PLSCR5: variants seen among roughly 807,000 people sequenced by gnomAD.
PLSCR5 encodes phospholipid scramblase family member 5.
A neutral mutation model predicts 33.6 loss-of-function variants in PLSCR5; 44 were observed. The observed-to-expected ratio is 1.31, with a 90% CI of 1.03 to 1.69. The LOEUF (loss-of-function observed/expected upper bound fraction) is 1.69. Ranked by LOEUF, PLSCR5 falls within the 40% of genes most tolerant of loss-of-function variation. PLSCR5 has a pLI of 0.00. For synonymous variants in PLSCR5, 148 were observed against 112.3 expected (o/e 1.32, Z -2.01); for missense variants, 375 against 318.7 (o/e 1.18, Z -1.34).
chr3:146,577,133 C>A (rs765802521), intron 7 of PLSCR5, among the ~76,000 whole-genome samples: 5 of 151,990 alleles, frequency 3.3e-5, no homozygotes, highest in Non-Finnish European at 7.4e-5. Flanking sequence ...AGTCAACATA[C>A]GATAAGTTGA....
chr3:146,581,981 C>T (rs530766370), downstream of PLSCR5, among the ~76,000 whole-genome samples: 9 of 152,086 alleles, frequency 5.9e-5, no homozygotes, highest in African/African-American at 2.2e-4. Context: ...GAAAAGATAC[C>T]CACTTTCCTT....
chr3:146,598,944 A>G (rs777796541), intron 2 of PLSCR5, among the ~76,000 whole-genome samples: 10 of 152,228 alleles, frequency 6.6e-5, no homozygotes, highest in Middle Eastern at 3.2e-3. Context: ...AAACCCTATC[A>G]GGCATAACAG....
chr3:146,594,882 A>G (rs1446699890), intron 3 of PLSCR5, among the ~76,000 whole-genome samples, 159 bp downstream of exon 3: 1 of 152,176 alleles, frequency 6.6e-6, no homozygotes, highest in African/African-American at 2.4e-5. Context: ...TTTTACTTTC[A>G]GCTTTTAATT....
chr3:146,578,472 C>T (rs1460278605), intron 7 of PLSCR5, among the ~76,000 whole-genome samples: 1 of 140,650 alleles, frequency 7.1e-6, no homozygotes, highest in African/African-American at 2.6e-5. Context: ...TTTTTGGCTT[C>T]CCATTTTATT....
intron 1 of PLSCR5, among the ~76,000 whole-genome samples, chr3:146,603,713 ACT>A (rs1167985324): frequency 6.6e-6 from 1 of 152,110 alleles, no homozygotes; most frequent in Non-Finnish European, 1.5e-5. Flanking sequence ...TATTTTATAC[ACT>A]CTGCAACTTT....
Position 146,594,096 on chromosome 3 carries a change from T to G in PLSCR5, c.277A>C (p.Ser93Arg). Reference protein sequence around the residue: ...ETSNKYEIKNSLGQRIYFAVE... With the variant: ...ETSNKYEIKNRLGQRIYFAVE... ...GCAAAGTAAATTCTTTGTCCCAAGC[T>G]GTTTTTAATCTCATATTTGTTGGAG... Residue 93 changes from serine (S) to arginine (R), a missense_variant, in exon 4 of 8, where the codon AGC becomes CGC. Coordinates refer to ENST00000443512, the MANE Select transcript of PLSCR5 (RefSeq NM_001085420.2). 3.7e-6 allele frequency: 6 copies of G among 1,613,814 alleles called. No individual in the cohort carries two copies. Among genetic ancestry groups the G allele is most frequent in the Non-Finnish European group, 5.1e-6 (6 of 1,179,786 alleles).
At chr3:146,596,771 A>T (rs2044765031) in intron 2 of PLSCR5, among the ~76,000 whole-genome samples, 1 of 152,198 alleles carries the variant, frequency 6.6e-6, no homozygotes, top group Non-Finnish European at 1.5e-5. Flanking sequence ...CCTAAGGTGA[A>T]GGTAAAACTA....
intron 2 of PLSCR5, among the ~76,000 whole-genome samples, chr3:146,599,643 A>G (rs960399016): frequency 1.3e-5 from 2 of 151,042 alleles, no homozygotes; most frequent in African/African-American, 4.9e-5. Context: ...AAATAGCTGT[A>G]GATGACTAGA....
chr3:146,582,576 G>A (rs78390771), downstream of PLSCR5, among the ~76,000 whole-genome samples: 5,325 of 152,176 alleles, frequency 0.035, 116 homozygotes, highest in Non-Finnish European at 0.049. Context: ...TTATTAAACT[G>A]CTGCTCTAAC....
At chr3:146,587,114 G>A (rs2107848690) in intron 6 of PLSCR5, among the ~76,000 whole-genome samples, 1 of 152,222 alleles carries the variant, frequency 6.6e-6, no homozygotes, top group South Asian at 2.1e-4. Context: ...AGTGCATAGA[G>A]GAAGCACCTG....
chr3:146,589,503 T>C, intron 6 of PLSCR5, 150 bp downstream of exon 6: 3 of 733,300 alleles, frequency 4.1e-6, no homozygotes, highest in Non-Finnish European at 3.8e-6. Flanking sequence ...TAAATTCTAA[T>C]TTTTGAAGAA....
At position 146,595,055 on chromosome 3, in the gene PLSCR5, A is replaced by T. The variant is rs918156675; in HGVS notation, c.218T>A (p.Val73Glu). ...QLDLIIIHQQ[V>E]ELLGMILGTE... ...AATGCACTTACTTCCAAGCAGCTCC[A>T]CCTGCTGGTGTATAATTATCAGGTC... The change falls in exon 3 of 8, where the codon GTG (valine) becomes GAG (glutamate). Residue 73 changes from valine (V) to glutamate (E), a missense_variant. Val to Glu is a moderately radical substitution (Grantham distance 121). Transcript: ENST00000443512. 6.3e-6 allele frequency: 9 copies of T among 1,435,164 alleles called. No homozygotes were observed. In the Admixed American group the frequency reaches 2.1e-4, roughly 33 times the overall value. 88.9% of individuals were successfully genotyped at this position (1,435,164 alleles called of 1,614,324 possible).
At chr3:146,599,177 A>G in intron 2 of PLSCR5, among the ~76,000 whole-genome samples, 1 of 152,200 alleles carries the variant, frequency 6.6e-6, no homozygotes, top group East Asian at 1.9e-4. Context: ...ATGCCATAAA[A>G]TTCAGATAGT....
downstream of PLSCR5, among the ~76,000 whole-genome samples, chr3:146,585,627 T>C (rs1240160683): frequency 1.3e-5 from 2 of 150,178 alleles, no homozygotes; most frequent in East Asian, 3.9e-4. Flanking sequence ...TTTTGATTAG[T>C]AACTAGCCTT....
intron 6 of PLSCR5, among the ~76,000 whole-genome samples, chr3:146,589,303 A>T (rs2044689932): frequency 6.6e-6 from 1 of 152,184 alleles, no homozygotes; most frequent in African/African-American, 2.4e-5. Flanking sequence ...TCCAGGATAA[A>T]TCATGTGATA....
intron 3 of PLSCR5, among the ~76,000 whole-genome samples, chr3:146,594,628 C>T (rs534443396): frequency 6.6e-6 from 1 of 152,088 alleles, no homozygotes; most frequent in Admixed American, 6.5e-5. Context: ...TAATTTGAAT[C>T]CAGTTAGTCA....
chr3:146,581,055 A>G (rs1181159375), downstream of PLSCR5, among the ~76,000 whole-genome samples: 1 of 152,194 alleles, frequency 6.6e-6, no homozygotes, highest in Non-Finnish European at 1.5e-5. Flanking sequence ...ACAATTGGAA[A>G]CATCTTCTTT....
At chr3:146,600,795 GCATA>G (rs1280391645) in intron 1 of PLSCR5, among the ~76,000 whole-genome samples, 8 of 148,922 alleles carry the variant, frequency 5.4e-5, no homozygotes, top group Non-Finnish European at 1.2e-4. Context: ...ATATTTATAT[GCATA>G]CATAAATTAT....
chr3:146,589,692 T>C lies in PLSCR5; in HGVS notation c.738A>G (p.Val246=), dbSNP rs1262185702. Residue 246 remains valine, a synonymous_variant, in exon 6 of 8, where the codon GTA becomes GTG. Coordinates refer to ENST00000443512, the MANE Select transcript of PLSCR5 (RefSeq NM_001085420.2). The part of the protein sequence containing the change: ...FGIHVPADLD[V]TVKAAMIGAC... The stretch of plus-strand genomic sequence containing the variant: ...CACCGATCATTGCTGCTTTGACTGT[T>C]ACATCTAGATCTGCAGGAACATGAA... 5.6e-6 allele frequency: 9 copies of C among 1,604,708 alleles called. No individual in the cohort carries two copies. The highest frequency in any genetic ancestry group is 2.7e-5 in the African/African-American group (2 of 74,908).
Sources: gnomAD v4.1 joint callset for allele counts (sites outside exome capture counted in the v4.1 genomes callset) on GRCh38, gnomAD v4.1.1 for gene constraint, MANE v1.5 for transcripts, NCBI Gene and HGNC (gene_info 2026-07-23, HGNC 2026-07-21) for gene names.